Variants in BABAM2 observed in about 807,000 individuals in gnomAD.
BABAM2 encodes BRISC and BRCA1 A complex member 2, also known as BRISC and BRCA1-A complex member 2.
BABAM2 carries 31 observed loss-of-function variants against 54.7 expected under a neutral mutation model. The observed-to-expected ratio is 0.57, with a 90% CI of 0.43 to 0.77. The LOEUF is 0.77. Among genes scored for constraint, BABAM2 ranks in the 30% least tolerant of loss-of-function variants. The pLI is 0.00. For missense variants in BABAM2, 364 were observed against 455.8 expected, an observed-to-expected ratio of 0.80 and a Z score of 1.83; for synonymous variants, 167 against 162.9, an observed-to-expected ratio of 1.03 and a Z score of -0.19.
intron 11 of BABAM2, among the ~76,000 whole-genome samples, chr2:28,311,790 T>C (rs1689110258): frequency 6.6e-6 from 1 of 152,336 alleles, no homozygotes; most frequent in East Asian, 1.9e-4. Flanking sequence ...GTTGAGAAAC[T>C]TCCATCTCTG....
At chr2:28,072,123 C>T (rs990776117) in intron 6 of BABAM2, among the ~76,000 whole-genome samples, 4 of 151,586 alleles carry the variant, frequency 2.6e-5, no homozygotes, top group Admixed American at 6.6e-5. Flanking sequence ...TGGCCTTAAG[C>T]GATCTTCCTG....
At chr2:27,987,074 T>C (rs1235464195) in intron 3 of BABAM2, among the ~76,000 whole-genome samples, 3 of 152,206 alleles carry the variant, frequency 2.0e-5, no homozygotes, top group African/African-American at 7.2e-5. Flanking sequence ...ACTTACTATA[T>C]GCTGGACACT....
intron 3 of BABAM2, among the ~76,000 whole-genome samples, chr2:27,965,250 A>G (rs1670753553): frequency 1.3e-5 from 2 of 152,128 alleles, no homozygotes; most frequent in South Asian, 2.1e-4. Flanking sequence ...AATTATTTCA[A>G]CGTAAATTAT....
At chr2:27,895,121 A>G (rs898565787) in intron 2 of BABAM2, 9 of 154,032 alleles carry the variant, frequency 5.8e-5, no homozygotes, top group African/African-American at 1.9e-4. Context: ...AAACAGCAAG[A>G]TCTCACACCT....
At chr2:28,035,913 A>G (rs1676627180) in intron 5 of BABAM2, among the ~76,000 whole-genome samples, 1 of 152,150 alleles carries the variant, frequency 6.6e-6, no homozygotes, top group Non-Finnish European at 1.5e-5. Flanking sequence ...TAGGAAATTC[A>G]AGTTACTTTC....
chr2:28,088,783 A>T (rs1234000260), intron 6 of BABAM2, among the ~76,000 whole-genome samples: 1 of 152,186 alleles, frequency 6.6e-6, no homozygotes, highest in East Asian at 1.9e-4. Flanking sequence ...GTTTATTCCT[A>T]ATCCATTTGG....
At chr2:28,009,220 A>G (rs10168171) in intron 4 of BABAM2, among the ~76,000 whole-genome samples, 112,371 of 151,890 alleles carry the variant, frequency 0.74, 42,579 homozygotes, top group Middle Eastern at 0.89. Flanking sequence ...CACCCCAGGC[A>G]TACTTAATCA....
intron 11 of BABAM2, among the ~76,000 whole-genome samples, chr2:28,328,824 G>A (rs1690702482): frequency 6.6e-6 from 1 of 152,198 alleles, no homozygotes; most frequent in Non-Finnish European, 1.5e-5. Flanking sequence ...CACCACCTTT[G>A]CAAAGCTTAA....
chr2:28,203,216 A>G (rs2147961425), intron 7 of BABAM2, among the ~76,000 whole-genome samples: 1 of 152,312 alleles, frequency 6.6e-6, no homozygotes, highest in South Asian at 2.1e-4. Context: ...CAAAGCATTT[A>G]TCAATTAATT....
At chr2:28,143,455 T>C (rs1316180972) in intron 7 of BABAM2, among the ~76,000 whole-genome samples, 2 of 152,140 alleles carry the variant, frequency 1.3e-5, no homozygotes, top group African/African-American at 4.8e-5. Context: ...TAATTAATAA[T>C]GTTATATTGT....
chr2:28,013,549 T>C (rs1450930105), intron 4 of BABAM2, among the ~76,000 whole-genome samples: 1 of 150,890 alleles, frequency 6.6e-6, no homozygotes, highest in Non-Finnish European at 1.5e-5. Flanking sequence ...TCCTCAAGAA[T>C]ATATAACTGT....
intron 5 of BABAM2, among the ~76,000 whole-genome samples, chr2:28,040,309 T>TTTTTTTTTTG: frequency 8.9e-6 from 1 of 111,920 alleles, no homozygotes; most frequent in Non-Finnish European, 1.9e-5. Context: ...TTTTTTTTTT[T>TTTTTTTTTTG]TTTTTTTTTG....
chr2:27,890,276 A>C (rs537574219), upstream of BABAM2: 1 of 1,613,634 alleles, frequency 6.2e-7, no homozygotes, highest in African/African-American at 1.3e-5. The surrounding 1 kb of genome is among the most constrained non-coding windows in gnomAD (Gnocchi z 4.8). Flanking sequence ...TCGGTCATGC[A>C]GGAGCCCACC....
At chr2:28,279,986 G>A (rs1440471162) in intron 10 of BABAM2, among the ~76,000 whole-genome samples, 1 of 151,462 alleles carries the variant, frequency 6.6e-6, no homozygotes, top group Non-Finnish European at 1.5e-5. Flanking sequence ...TTAAGTAAAT[G>A]TAAAAACTCA....
intron 4 of BABAM2, among the ~76,000 whole-genome samples, chr2:28,008,635 A>G (rs2148526466): frequency 6.6e-6 from 1 of 152,310 alleles, no homozygotes; most frequent in Middle Eastern, 3.4e-3. Context: ...GAGAGAAAAG[A>G]TGATGATTTA....
chr2:28,107,162 A>G (rs767971711), intron 6 of BABAM2, among the ~76,000 whole-genome samples: 1 of 151,388 alleles, frequency 6.6e-6, no homozygotes, highest in Non-Finnish European at 1.5e-5. Flanking sequence ...CACTCCCTTC[A>G]CTCTGCCTGG....
intron 4 of BABAM2, chr2:28,015,891 A>G: frequency 1.7e-6 from 1 of 598,046 alleles, no homozygotes; most frequent in South Asian, 1.5e-5. Context: ...CCTCCTCCAT[A>G]TACTCTGATT....
intron 6 of BABAM2, among the ~76,000 whole-genome samples, chr2:28,113,602 C>G (rs1668337907): frequency 6.6e-6 from 1 of 152,050 alleles, no homozygotes; most frequent in African/African-American, 2.4e-5. Flanking sequence ...CAGCTCTGTT[C>G]TTTTTGCTTA....
chr2:28,224,598 C>T lies in BABAM2; in HGVS notation c.681-12604C>T, dbSNP rs181664426. ...TGGTGCTCAAGACACTGCTGTGGGC[C>T]TCTGCTGACAATGCAAGCTCTCACA... On this transcript the variant is annotated intron_variant, in intron 7 of 11. Coordinates refer to ENST00000379624, the MANE Select transcript of BABAM2 (RefSeq NM_199191.3). 3.4e-3 allele frequency among the ~76,000 whole-genome samples: 518 copies of T among 152,252 alleles called. 2 individuals are homozygous for T. The highest frequency in any genetic ancestry group is 0.012 in the African/African-American group (495 of 41,538).
Sources: allele counts gnomAD v4.1 joint callset (sites outside exome capture counted in the v4.1 genomes callset), GRCh38; gene constraint gnomAD v4.1.1; non-coding constraint Gnocchi (gnomAD v3.1); transcripts MANE v1.5; gene names NCBI Gene and HGNC (gene_info 2026-07-23, HGNC 2026-07-21).